The following PTPRJ variants were observed in gnomAD, a reference collection of about 807,000 sequenced individuals.
PTPRJ encodes protein tyrosine phosphatase receptor type J, also known as receptor-type tyrosine-protein phosphatase eta.
PTPRJ carries 129 observed loss-of-function variants against 141.3 expected under a neutral mutation model. The observed-to-expected ratio is 0.91, with a 90% confidence interval of 0.79 to 1.06. The LOEUF (loss-of-function observed/expected upper bound fraction) is 1.06. Ranked by LOEUF, PTPRJ falls within the 50% of genes least tolerant of loss-of-function variation. The probability of loss-of-function intolerance (pLI) is 0.00; values close to 1 mark genes in which losing one functional copy is unlikely to be tolerated. For synonymous variants in PTPRJ, 610 were observed against 640.5 expected, an observed-to-expected ratio of 0.95 and a Z score of 0.72; for missense variants, 1,601 against 1,679.7, an observed-to-expected ratio of 0.95 and a Z score of 0.82.
chr11:48,059,205 C>T (rs1854850135), intron 1 of PTPRJ, among the ~76,000 whole-genome samples: 1 of 150,080 alleles, frequency 6.7e-6, no homozygotes, highest in Non-Finnish European at 1.5e-5. Context: ...TCACTGCAAC[C>T]TCTGCCTCCC....
At chr11:48,015,168 C>A (rs1262493477) in intron 1 of PTPRJ, among the ~76,000 whole-genome samples, 2 of 152,024 alleles carry the variant, frequency 1.3e-5, no homozygotes, top group Non-Finnish European at 2.9e-5. Flanking sequence ...GGTGGGGATG[C>A]TGCAGGCCTT....
At chr11:47,986,904 C>T (rs1435859470) in intron 1 of PTPRJ, among the ~76,000 whole-genome samples, 3 of 152,072 alleles carry the variant, frequency 2.0e-5, no homozygotes, top group African/African-American at 7.2e-5. Flanking sequence ...AGTCACAATA[C>T]TTTTTTTTCC....
intron 1 of PTPRJ, among the ~76,000 whole-genome samples, chr11:48,057,401 T>A (rs755357211): frequency 6.1e-4 from 93 of 152,222 alleles, no homozygotes; most frequent in Non-Finnish European, 1.2e-3. Context: ...GTAAAGAAGG[T>A]GGAGATGAGA....
chr11:48,006,881 T>C (rs1463450999), intron 1 of PTPRJ, among the ~76,000 whole-genome samples: 1 of 152,212 alleles, frequency 6.6e-6, no homozygotes, highest in Non-Finnish European at 1.5e-5. Context: ...GTTCTGACTC[T>C]ATTTTGCTGG....
intron 8 of PTPRJ, among the ~76,000 whole-genome samples, chr11:48,135,476 CTT>C (rs34709299): frequency 1.2e-3 from 70 of 58,206 alleles, no homozygotes; most frequent in East Asian, 8.7e-3. Context: ...CGCGCCTGGC[CTT>C]TTTTTTTTTT....
chr11:48,157,663 G>A (rs1187996994), intron 21 of PTPRJ, among the ~76,000 whole-genome samples: 1 of 152,132 alleles, frequency 6.6e-6, no homozygotes, highest in African/African-American at 2.4e-5. Context: ...TTAATTCATG[G>A]TAAGCTAGCA....
chr11:48,113,094 T>A, intron 3 of PTPRJ, 111 bp downstream of exon 3: 2 of 866,728 alleles, frequency 2.3e-6, no homozygotes, highest in Non-Finnish European at 1.7e-6. Flanking sequence ...GAAAATCTTT[T>A]TAAAAATTTT....
rs145330252 is a variant in PTPRJ, at chr11:48,102,720, A to G, written c.97-7338A>G. 5.2e-4 allele frequency among the ~76,000 whole-genome samples: 79 copies of G among 152,182 alleles called. 2 individuals carry two copies. The East Asian group carries it at 0.015, about 28-fold the overall frequency. ...GTGTGAGCCACTGCACCTGGCTTCT[A>G]TCTCCCTAATTTTTAAATACTTAAG... On this transcript the variant is annotated intron_variant, in intron 1 of 24. Transcript: ENST00000418331.
At chr11:48,073,267 G>A (rs1855308649) in intron 1 of PTPRJ, among the ~76,000 whole-genome samples, 1 of 152,172 alleles carries the variant, frequency 6.6e-6, no homozygotes, top group African/African-American at 2.4e-5. Flanking sequence ...GGCCTTTACT[G>A]GCAGTCTCTA....
At chr11:48,134,669 G>T (rs1274846766) in intron 8 of PTPRJ, among the ~76,000 whole-genome samples, 2 of 152,130 alleles carry the variant, frequency 1.3e-5, no homozygotes, top group African/African-American at 4.8e-5. Context: ...CTCCCTGGAG[G>T]TGACGTTTGT....
chr11:47,990,433 T>G (rs1213743655), intron 1 of PTPRJ, among the ~76,000 whole-genome samples: 1 of 151,938 alleles, frequency 6.6e-6, no homozygotes. Context: ...TCTTTTTTTC[T>G]TTTTTTTGAG....
chr11:48,038,036 T>C (rs1312026398), intron 1 of PTPRJ, among the ~76,000 whole-genome samples: 1 of 152,038 alleles, frequency 6.6e-6, no homozygotes, highest in Non-Finnish European at 1.5e-5. Flanking sequence ...TTTATCATTT[T>C]ACATACTGTG....
intron 15 of PTPRJ, among the ~76,000 whole-genome samples, chr11:48,148,053 C>T (rs1198780996): frequency 6.6e-6 from 1 of 152,102 alleles, no homozygotes; most frequent in Admixed American, 6.6e-5. Flanking sequence ...CCATGTTGGC[C>T]AGGCTGGTCT....
intron 1 of PTPRJ, among the ~76,000 whole-genome samples, chr11:48,059,337 G>A (rs1282416587): frequency 6.6e-6 from 1 of 151,962 alleles, no homozygotes; most frequent in Non-Finnish European, 1.5e-5. Context: ...TGGCCAGGCT[G>A]GTCTGGAACT....
intron 12 of PTPRJ, among the ~76,000 whole-genome samples, chr11:48,143,251 A>G (rs1433308259): frequency 6.6e-6 from 1 of 152,232 alleles, no homozygotes; most frequent in Non-Finnish European, 1.5e-5. Flanking sequence ...CAGATTGCCA[A>G]TATTTTAAGC....
chr11:48,028,894 C>T lies in PTPRJ; in HGVS notation c.96+47886C>T, dbSNP rs140786559. Among the ~76,000 whole-genome samples the T allele has an allele frequency of 2.1e-3, 326 of 152,238 alleles. 1 individual carries two copies. Among genetic ancestry groups the T allele is most frequent in the Middle Eastern group, 0.01 (3 of 294 alleles). ...CCAGTTTGCAGCCTTTGTTTAGATC[C>T]GTAGTGGAGAAAGAGGTTAAAGCTA... On this transcript the variant is annotated intron_variant, in intron 1 of 24. Transcript: ENST00000418331.
chr11:48,109,962 C>A, intron 1 of PTPRJ, 96 bp from the exon 2 acceptor site: 1 of 1,383,256 alleles, frequency 7.2e-7, no homozygotes, highest in Non-Finnish European at 1.0e-6. Flanking sequence ...CTTACCACCC[C>A]ACCCCCATTA....
intron 1 of PTPRJ, among the ~76,000 whole-genome samples, chr11:48,017,123 G>T (rs1854972376): frequency 6.6e-6 from 1 of 152,122 alleles, no homozygotes; most frequent in East Asian, 1.9e-4. Context: ...TTTGCTTAAG[G>T]TTGTAGAGAT....
intron 5 of PTPRJ, 103 bp from the exon 6 acceptor site, chr11:48,124,865 G>C: frequency 9.5e-7 from 1 of 1,054,184 alleles, no homozygotes; most frequent in Non-Finnish European, 1.4e-6. Flanking sequence ...ACCAACTGTG[G>C]CCACTGTCTG....
Sources: allele counts gnomAD v4.1 joint callset (sites outside exome capture counted in the v4.1 genomes callset), GRCh38; gene constraint gnomAD v4.1.1; transcripts MANE v1.5; gene names NCBI Gene and HGNC (gene_info 2026-07-23, HGNC 2026-07-21).